The following CALCRL variants were observed in gnomAD, a reference collection of about 807,000 sequenced individuals.
The protein encoded by CALCRL is calcitonin receptor like receptor, also known as calcitonin gene-related peptide type 1 receptor.
Under a neutral mutation model 60.4 loss-of-function variants are expected in CALCRL, and 27 were observed. The observed-to-expected ratio is 0.45, with a 90% CI of 0.33 to 0.62. The LOEUF (loss-of-function observed/expected upper bound fraction) is 0.62, where lower values mean the gene tolerates loss of function less well. Ranked by LOEUF, CALCRL falls within the 20% of genes least tolerant of loss-of-function variation. CALCRL has a pLI of 0.03. For missense variants in CALCRL, 424 were observed against 540.7 expected (o/e 0.78, Z 2.14); for synonymous variants, 190 against 182.6 (o/e 1.04, Z -0.33).
At chr2:187,369,820 A>G (rs1195867353) in intron 8 of CALCRL, among the ~76,000 whole-genome samples, 1 of 152,208 alleles carries the variant, frequency 6.6e-6, no homozygotes, top group Non-Finnish European at 1.5e-5. Context: ...AATACTTAAC[A>G]TACAGTTGAA....
intron 14 of CALCRL, among the ~76,000 whole-genome samples, chr2:187,347,667 T>C (rs992245258): frequency 6.6e-6 from 1 of 151,250 alleles, no homozygotes; most frequent in African/African-American, 2.4e-5. Flanking sequence ...AAAACCTCAA[T>C]TCCTCCAATT....
At chr2:187,431,735 C>T (rs1033470325) in intron 1 of CALCRL, among the ~76,000 whole-genome samples, 1 of 148,170 alleles carries the variant, frequency 6.7e-6, no homozygotes, top group African/African-American at 2.5e-5. Flanking sequence ...GTAGTCCCTG[C>T]TCTCATGGAG....
At chr2:187,353,608 G>A (rs1686631533) in intron 12 of CALCRL, among the ~76,000 whole-genome samples, 2 of 151,854 alleles carry the variant, frequency 1.3e-5, no homozygotes, top group South Asian at 2.1e-4. Flanking sequence ...GAAAAGCAAT[G>A]TTTGCAGACA....
chr2:187,428,051 T>C (rs1690227664), intron 1 of CALCRL, among the ~76,000 whole-genome samples: 1 of 152,164 alleles, frequency 6.6e-6, no homozygotes, highest in South Asian at 2.1e-4. Context: ...GCAGAACAAC[T>C]ATATACACTA....
intron 8 of CALCRL, among the ~76,000 whole-genome samples, chr2:187,373,089 C>T (rs929255776): frequency 6.6e-6 from 1 of 152,146 alleles, no homozygotes. Context: ...ATGGGCAAGT[C>T]TGTCCTATAT....
At chr2:187,361,376 T>C (rs1017134003) in intron 9 of CALCRL, among the ~76,000 whole-genome samples, 1 of 151,908 alleles carries the variant, frequency 6.6e-6, no homozygotes, top group Non-Finnish European at 1.5e-5. Context: ...AAGAGAGACA[T>C]TCAAATTACA....
chr2:187,432,949 C>T, intron 1 of CALCRL, among the ~76,000 whole-genome samples: 1 of 151,996 alleles, frequency 6.6e-6, no homozygotes, highest in Non-Finnish European at 1.5e-5. Context: ...TAAGCTTCAC[C>T]ATACAGCCTA....
intron 1 of CALCRL, among the ~76,000 whole-genome samples, chr2:187,441,508 T>A (rs146152176): frequency 6.6e-6 from 1 of 152,056 alleles, no homozygotes; most frequent in African/African-American, 2.4e-5. Flanking sequence ...ACCTGTCTTG[T>A]TGGCCTTCGA....
At chr2:187,359,336 A>G in intron 10 of CALCRL, 64 bp from the exon 11 acceptor site, 1 of 1,137,044 alleles carries the variant, frequency 8.8e-7, no homozygotes, top group Non-Finnish European at 1.2e-6. Flanking sequence ...TTTCAAAAAT[A>G]TGTAATTAAA....
chr2:187,444,956 C>T (rs1386626281), intron 1 of CALCRL, among the ~76,000 whole-genome samples: 3 of 151,438 alleles, frequency 2.0e-5, no homozygotes. Flanking sequence ...CACCTATTTG[C>T]ATCATAATAT....
chr2:187,414,704 T>C (rs1689521390), intron 1 of CALCRL, among the ~76,000 whole-genome samples: 1 of 152,046 alleles, frequency 6.6e-6, no homozygotes, highest in African/African-American at 2.4e-5. Context: ...CTTATGGAAA[T>C]ACTGACATTG....
intron 14 of CALCRL, among the ~76,000 whole-genome samples, chr2:187,348,148 AT>A (rs1686364159): frequency 2.0e-5 from 3 of 151,796 alleles, no homozygotes; most frequent in Non-Finnish European, 4.4e-5. Flanking sequence ...AATCCTCCGT[AT>A]AAAATATCTA....
intron 14 of CALCRL, among the ~76,000 whole-genome samples, chr2:187,350,810 T>C (rs1686496599): frequency 6.6e-6 from 1 of 151,704 alleles, no homozygotes; most frequent in East Asian, 1.9e-4. Flanking sequence ...ATCTGAAGCT[T>C]TATGATAAGC....
chr2:187,365,715 T>A (rs577946300), intron 8 of CALCRL, among the ~76,000 whole-genome samples: 1 of 152,308 alleles, frequency 6.6e-6, no homozygotes, highest in South Asian at 2.1e-4. Flanking sequence ...AGAACTATTC[T>A]GCCATTAAAA....
chr2:187,426,641 G>A lies in CALCRL; in HGVS notation c.-293+21398C>T, dbSNP rs180873250. Among the ~76,000 whole-genome samples, 404 of 152,082 alleles carry A rather than the reference G, an allele frequency of 2.7e-3. 4 individuals carry two copies. Among genetic ancestry groups the A allele is most frequent in the Middle Eastern group, 6.8e-3 (2 of 294 alleles). On this transcript the variant is annotated intron_variant, in intron 1 of 14. Coordinates refer to ENST00000392370, the MANE Select transcript of CALCRL (RefSeq NM_005795.6). ...ATAAATGATTCACTGATATATATTA[G>A]ATTGTAATACTTTCAAAAAGTAATA...
intron 8 of CALCRL, among the ~76,000 whole-genome samples, chr2:187,370,765 G>A (rs568713821): frequency 1.1e-4 from 16 of 152,120 alleles, no homozygotes; most frequent in South Asian, 1.0e-3. Context: ...CATTCAAACC[G>A]TATACTTTAT....
chr2:187,433,789 G>A (rs1271215806), intron 1 of CALCRL, among the ~76,000 whole-genome samples: 3 of 152,082 alleles, frequency 2.0e-5, no homozygotes, highest in East Asian at 3.9e-4. Context: ...TATTTATGAA[G>A]AGAAAATCAG....
chr2:187,401,297 A>C (rs1003406689), intron 1 of CALCRL, among the ~76,000 whole-genome samples: 1 of 151,672 alleles, frequency 6.6e-6, no homozygotes, highest in Non-Finnish European at 1.5e-5. Flanking sequence ...GATGATATTC[A>C]CATTGTAAAA....
chr2:187,350,691 C>T (rs992741129), intron 14 of CALCRL, among the ~76,000 whole-genome samples: 2 of 151,498 alleles, frequency 1.3e-5, no homozygotes, highest in Non-Finnish European at 3.0e-5. Context: ...CTTAAGCAAG[C>T]GCAAATAACA....
Sources: gnomAD v4.1 joint callset for allele counts (sites outside exome capture counted in the v4.1 genomes callset) on GRCh38, gnomAD v4.1.1 for gene constraint, MANE v1.5 for transcripts, NCBI Gene and HGNC (gene_info 2026-07-23, HGNC 2026-07-21) for gene names.